The following ITSN2 variants were observed in gnomAD, a reference collection of about 807,000 sequenced individuals.
The protein encoded by ITSN2 is intersectin-2.
ITSN2 carries 156 observed loss-of-function variants against 243.7 expected under a neutral mutation model. The observed-to-expected ratio is 0.64, with a 90% CI of 0.56 to 0.73. ITSN2 has a LOEUF of 0.73. Among genes scored for constraint, ITSN2 ranks in the 30% least tolerant of loss-of-function variants. ITSN2 has a pLI of 0.00. For synonymous variants in ITSN2, 703 were observed against 699.9 expected, an observed-to-expected ratio of 1.00 and a Z score of -0.07; for missense variants, 1,801 against 1,996.1, an observed-to-expected ratio of 0.90 and a Z score of 1.86.
chr2:24,327,505 A>C (rs1381110857), intron 2 of ITSN2, among the ~76,000 whole-genome samples: 1 of 151,752 alleles, frequency 6.6e-6, no homozygotes, highest in African/African-American at 2.4e-5. Flanking sequence ...CACCATGTTG[A>C]CCAGGCTGGT....
intron 1 of ITSN2, among the ~76,000 whole-genome samples, chr2:24,358,487 CAT>C (rs1438990085): frequency 6.6e-5 from 10 of 152,088 alleles, no homozygotes; most frequent in Non-Finnish European, 1.5e-5. Context: ...CCATGGTAAA[CAT>C]ATTTTATACT....
chr2:24,267,358 CAT>C (rs1461921727), intron 20 of ITSN2, among the ~76,000 whole-genome samples: 1 of 141,580 alleles, frequency 7.1e-6, no homozygotes, highest in Non-Finnish European at 1.5e-5. Context: ...ACGTTCTGCA[CAT>C]GTATCCCAGA....
chr2:24,210,759 G>A (rs373784460), intron 34 of ITSN2, 21 bp downstream of exon 34: 14 of 1,609,778 alleles, frequency 8.7e-6, no homozygotes, highest in Non-Finnish European at 1.2e-5. Flanking sequence ...GAGGCGCACG[G>A]CTTAACCACA....
At chr2:24,269,640 C>T (rs539976460) in intron 20 of ITSN2, among the ~76,000 whole-genome samples, 109 of 152,306 alleles carry the variant, frequency 7.2e-4, no homozygotes, top group Non-Finnish European at 1.2e-3. Context: ...TAGGTTGTCA[C>T]GCTTTTTCAT....
intron 37 of ITSN2, chr2:24,206,292 A>G (rs759416794): frequency 6.9e-6 from 3 of 433,358 alleles, no homozygotes; most frequent in African/African-American, 2.1e-5. Context: ...AAAAAAACAC[A>G]TAAAGAGCTG....
At position 24,203,581 on chromosome 2, in the gene ITSN2, C is replaced by G. The variant is rs545039749; in HGVS notation, c.*45G>C. The stretch of plus-strand genomic sequence containing the variant: ...GAGAGCGCAGTCTCTCATTCTCCAG[C>G]CCCAGCCTTGTGGGCTGTCCCGCTG... On this transcript the variant is annotated 3_prime_UTR_variant, in exon 40 of 40. Transcript: ENST00000355123. The G allele has an allele frequency of 1.3e-5, 21 of 1,581,936 alleles. No individual in the cohort carries two copies. The East Asian group carries it at 4.7e-4, about 36-fold the overall frequency.
intron 17 of ITSN2, among the ~76,000 whole-genome samples, chr2:24,282,161 C>T (rs1298640388): frequency 6.6e-6 from 1 of 152,178 alleles, no homozygotes; most frequent in Non-Finnish European, 1.5e-5. Context: ...TACAAAAACC[C>T]GAGATCCTAA....
chr2:24,340,190 G>T (rs1558655094), intron 1 of ITSN2, among the ~76,000 whole-genome samples: 1 of 151,994 alleles, frequency 6.6e-6, no homozygotes, highest in Admixed American at 6.6e-5. Flanking sequence ...GTATAAAGTT[G>T]AATGTACTTG....
intron 37 of ITSN2, among the ~76,000 whole-genome samples, chr2:24,207,442 G>A (rs1669012576): frequency 1.3e-5 from 2 of 152,276 alleles, no homozygotes; most frequent in Non-Finnish European, 1.5e-5. Flanking sequence ...TGTGTGATGT[G>A]GGAGCAGCGG....
At chr2:24,213,265 T>C (rs1439198826) in intron 32 of ITSN2, among the ~76,000 whole-genome samples, 5 of 152,160 alleles carry the variant, frequency 3.3e-5, no homozygotes, top group Non-Finnish European at 7.3e-5. Context: ...ACACCACATG[T>C]GCACCAGGTG....
At chr2:24,317,597 C>T (rs1038374078) in intron 2 of ITSN2, among the ~76,000 whole-genome samples, 3 of 152,178 alleles carry the variant, frequency 2.0e-5, no homozygotes, top group Non-Finnish European at 2.9e-5. Context: ...TGGGCTGCTG[C>T]CAATGACCCA....
intron 12 of ITSN2, among the ~76,000 whole-genome samples, chr2:24,299,589 G>A (rs1162905408): frequency 6.6e-6 from 1 of 152,036 alleles, no homozygotes; most frequent in East Asian, 1.9e-4. Context: ...ACTTGCTTTC[G>A]TCTAATGACT....
chr2:24,301,060 T>C (rs1681659756), intron 11 of ITSN2, 94 bp downstream of exon 11: 3 of 683,610 alleles, frequency 4.4e-6, no homozygotes, highest in East Asian at 2.8e-5. Context: ...ACATCAAATA[T>C]TAAAAATATA....
chr2:24,304,776 G>A (rs1293566094), intron 8 of ITSN2, among the ~76,000 whole-genome samples: 1 of 152,152 alleles, frequency 6.6e-6, no homozygotes, highest in Non-Finnish European at 1.5e-5. Flanking sequence ...GAGAGAAGGA[G>A]GAGGAATGTA....
At chr2:24,284,888 ATTTTTTTTTTTTTT>A (rs138100580) in intron 16 of ITSN2, 45 bp from the exon 17 acceptor site, 2 of 370,678 alleles carry the variant, frequency 5.4e-6, no homozygotes, top group Non-Finnish European at 9.5e-6. Flanking sequence ...TACGTACAGA[ATTTTTTTTTTTTTT>A]TTTTTTTTTT....
intron 1 of ITSN2, among the ~76,000 whole-genome samples, chr2:24,338,862 A>G (rs1295252711): frequency 6.6e-6 from 1 of 152,208 alleles, no homozygotes; most frequent in Non-Finnish European, 1.5e-5. Flanking sequence ...GATTTGGGGA[A>G]TGCCAAGAGA....
chr2:24,218,008 A>T lies in ITSN2; in HGVS notation c.3705T>A (p.Phe1235Leu). Residue 1235 changes from phenylalanine to leucine, a missense_variant, in exon 31 of 40, where the codon TTT (phenylalanine) becomes TTA (leucine). Transcript: ENST00000355123. ...AGCCTGACTCTGCCATGCGTTTCTG[A>T]AAAACCTAAAGTCAAAACATAGAAA... ...MADLQLVVEV[F>L]QKRMAESGFL... 6.2e-7 allele frequency: 1 copy of T among 1,612,900 alleles called. No individual in the cohort carries two copies. The highest frequency in any genetic ancestry group is 8.5e-7 in the Non-Finnish European group (1 of 1,178,880).
rs1668618593 is a variant in ITSN2 at position 24,204,318 on chromosome 2, C to T, written c.4863G>A (p.Gln1621=). The change falls in exon 39 of 40, where the codon CAG becomes CAA. Residue 1621 remains glutamine (Q), a synonymous_variant. Transcript: ENST00000355123. This position sits in a 1 kb window ranked among gnomAD's most constrained non-coding sequence, Gnocchi z 5.1. ...CTTGGTAGAGATCCTTAATAAAGAA[C>T]TGGCAGTTAAAATTCCACTTGGGAT... ...TLNPKWNFNC[Q]FFIKDLYQDV... is the part of the protein sequence containing the mutation. The T allele has an allele frequency of 3.1e-6, 5 of 1,614,194 alleles. 1 individual carries two copies. Among genetic ancestry groups the T allele is most frequent in the African/African-American group, 2.7e-5 (2 of 75,058 alleles).
In ITSN2 at chr2:24,248,870, C is replaced by A; in HGVS notation, c.3133G>T (p.Ala1045Ser). ...KPKDQESFGSASKSGASNKKP... is the reference protein window; with the variant it reads ...KPKDQESFGSSSKSGASNKKP... ...TTATTTGATGCTCCAGACTTGCTAG[C>A]ACTCCCAAAACTCTACAAGGAAAAG... The change falls in exon 26 of 40, where the codon GCT becomes TCT. Residue 1045 changes from alanine to serine, a missense_variant. This residue lies in a region of ITSN2 where 928 missense variants were observed against 1,065.4 expected (regional missense o/e 0.87). Transcript: ENST00000355123. The A allele has an allele frequency of 1.2e-6, 2 of 1,613,624 alleles. No homozygotes were observed. The highest frequency in any genetic ancestry group is 1.7e-6 in the Non-Finnish European group (2 of 1,179,650).
Sources: allele counts gnomAD v4.1 joint callset (sites outside exome capture counted in the v4.1 genomes callset), GRCh38; gene constraint gnomAD v4.1.1; regional missense constraint gnomAD v4.1.1; non-coding constraint Gnocchi (gnomAD v3.1); transcripts MANE v1.5; gene names NCBI Gene and HGNC (gene_info 2026-07-23, HGNC 2026-07-21).